The following CNIH3 variants were observed in gnomAD, a reference collection of about 807,000 sequenced individuals.
The protein encoded by CNIH3 is protein cornichon homolog 3.
A neutral mutation model predicts 24.1 loss-of-function variants in CNIH3; 14 were observed. That is an observed-to-expected ratio of 0.58 (90% CI 0.38 to 0.91). CNIH3 has a LOEUF of 0.91. Among genes scored for constraint, CNIH3 ranks in the 40% least tolerant of loss-of-function variants. The pLI, the probability that CNIH3 is intolerant of heterozygous loss-of-function variation, is 0.00. For missense variants in CNIH3, 178 were observed against 196.8 expected (o/e 0.90, Z 0.57); for synonymous variants, 68 against 73.8 (o/e 0.92, Z 0.40).
chr1:224,477,331 T>A (rs1313114018), intron 1 of CNIH3, among the ~76,000 whole-genome samples: 1 of 152,238 alleles, frequency 6.6e-6, no homozygotes, highest in Non-Finnish European at 1.5e-5. Flanking sequence ...TTTCCTCGTA[T>A]CCACCATCTT....
chr1:224,490,992 G>A (rs1199760135), intron 1 of CNIH3, among the ~76,000 whole-genome samples: 1 of 152,232 alleles, frequency 6.6e-6, no homozygotes, highest in Non-Finnish European at 1.5e-5. Context: ...GTCTATGAGT[G>A]GTTGAAGTAT....
At chr1:224,679,065 A>G (rs1422707001) in intron 1 of CNIH3, among the ~76,000 whole-genome samples, 1 of 152,214 alleles carries the variant, frequency 6.6e-6, no homozygotes, top group South Asian at 2.1e-4. Context: ...TTGAATTTTA[A>G]TATAAGCTTC....
chr1:224,513,193 C>T, upstream of CNIH3, among the ~76,000 whole-genome samples: 1 of 152,034 alleles, frequency 6.6e-6, no homozygotes, highest in Non-Finnish European at 1.5e-5. Flanking sequence ...GGATCTTGCT[C>T]TGTCACTCAG....
At chr1:224,537,384 AC>A (rs1328892438), downstream of CNIH3, 1 of 151,944 alleles carries the variant, frequency 6.6e-6, no homozygotes, top group Non-Finnish European at 1.5e-5. Flanking sequence ...TCCTCTACCC[AC>A]CCCTCACATG....
At chr1:224,667,941 G>A (rs2125126107) in intron 1 of CNIH3, among the ~76,000 whole-genome samples, 1 of 152,268 alleles carries the variant, frequency 6.6e-6, no homozygotes, top group South Asian at 2.1e-4. Context: ...ATGGAGCCCT[G>A]CAGCTACACT....
At chr1:224,457,944 T>C (rs988787865) in intron 1 of CNIH3, among the ~76,000 whole-genome samples, 3 of 152,050 alleles carry the variant, frequency 2.0e-5, no homozygotes, top group African/African-American at 7.2e-5. Flanking sequence ...CCCTAGAGAG[T>C]GCAGCTAGGT....
chr1:224,519,433 T>G (rs1315595661), intron 1 of CNIH3, among the ~76,000 whole-genome samples: 1 of 152,166 alleles, frequency 6.6e-6, no homozygotes. Context: ...AGTCTCCAGC[T>G]TGCAGACGGC....
intron 1 of CNIH3, among the ~76,000 whole-genome samples, chr1:224,652,278 T>A (rs1184650843): frequency 3.9e-5 from 6 of 152,024 alleles, no homozygotes. Context: ...GGGGTAACTT[T>A]AACATTCCTG....
chr1:224,617,242 T>G lies in CNIH3; in HGVS notation c.68T>G (p.Phe23Cys), dbSNP rs1572594425. ...SLVLCAALIF[F>C]AIWHIIAFDE... ...GTGCTGTGCGCTGCGCTCATCTTCT[T>G]CGCCATCTGGCACGTGAGTAACACG... Residue 23 changes from phenylalanine (F) to cysteine (C), a missense_variant, in exon 1 of 6, where the codon TTC becomes TGC. Phe to Cys is a radical substitution (Grantham distance 205, BLOSUM62 -2). Transcript: ENST00000272133. 1 of 1,614,040 alleles carries G rather than the reference T, an allele frequency of 6.2e-7. No homozygotes were observed. The highest frequency in any genetic ancestry group is 8.5e-7 in the Non-Finnish European group (1 of 1,179,980).
chr1:224,665,058 C>T (rs1685532514), intron 1 of CNIH3, among the ~76,000 whole-genome samples: 1 of 151,816 alleles, frequency 6.6e-6, no homozygotes, highest in African/African-American at 2.4e-5. Flanking sequence ...TCTGATAAAC[C>T]ATCTGAAATA....
At chr1:224,606,442 G>A (rs1039778919) in intron 3 of CNIH3, among the ~76,000 whole-genome samples, 37 of 152,084 alleles carry the variant, frequency 2.4e-4, no homozygotes, top group African/African-American at 8.2e-4. Context: ...GTTCCCAGTC[G>A]AACTCCTCTC....
At chr1:224,707,685 G>A (rs184664456) in intron 3 of CNIH3, among the ~76,000 whole-genome samples, 334 of 152,194 alleles carry the variant, frequency 2.2e-3, no homozygotes, top group Non-Finnish European at 3.1e-3. Flanking sequence ...AGATCTGTGG[G>A]ATCATAATCT....
intron 4 of CNIH3, among the ~76,000 whole-genome samples, chr1:224,578,804 T>C (rs1281679578): frequency 6.6e-6 from 1 of 152,226 alleles, no homozygotes; most frequent in African/African-American, 2.4e-5. Context: ...TGAAACTCCC[T>C]TCTCCGTCTT....
At chr1:224,712,435 G>A (rs1456400341) in intron 3 of CNIH3, among the ~76,000 whole-genome samples, 2 of 152,124 alleles carry the variant, frequency 1.3e-5, no homozygotes, top group Non-Finnish European at 2.9e-5. Context: ...CTTCTGGATT[G>A]TACTCTTCCT....
At chr1:224,475,915 C>T (rs946079318) in intron 1 of CNIH3, among the ~76,000 whole-genome samples, 1 of 152,100 alleles carries the variant, frequency 6.6e-6, no homozygotes, top group African/African-American at 2.4e-5. Context: ...TGGGGTTTAT[C>T]CCAGGGATGC....
In CNIH3 at chr1:224,618,626, G is replaced by A. The variant is rs1192906484; in HGVS notation, c.81+1371G>A. On this transcript the variant is annotated intron_variant, in intron 1 of 5. Coordinates refer to ENST00000272133, the MANE Select transcript of CNIH3 (RefSeq NM_152495.2). ...TGTAACCTTAGGAAAGACCCTTGCT[G>A]GCTTCCTTCCACATCTCTAAAGTGA... Among the ~76,000 whole-genome samples, 3 of 152,332 alleles carry A rather than the reference G, an allele frequency of 2.0e-5. No homozygotes were observed. The South Asian group carries it at 6.2e-4, about 32-fold the overall frequency.
chr1:224,548,110 T>C (rs972136039), intron 3 of CNIH3, among the ~76,000 whole-genome samples: 11 of 152,000 alleles, frequency 7.2e-5, no homozygotes, highest in African/African-American at 2.7e-4. Flanking sequence ...ATTTATAACG[T>C]ATAAGGGAGA....
intron 1 of CNIH3, chr1:224,434,905 G>T: frequency 1.0e-6 from 1 of 985,996 alleles, no homozygotes; most frequent in Non-Finnish European, 1.2e-6. Flanking sequence ...ACGTGCATCG[G>T]GGGCTGTCCC....
intron 3 of CNIH3, among the ~76,000 whole-genome samples, chr1:224,718,114 C>A (rs1305894595): frequency 1.3e-5 from 2 of 151,972 alleles, no homozygotes; most frequent in Non-Finnish European, 2.9e-5. Context: ...GGGAAATAGA[C>A]AATAAGCAAG....
Sources: gnomAD v4.1 joint callset for allele counts (sites outside exome capture counted in the v4.1 genomes callset) on GRCh38, gnomAD v4.1.1 for gene constraint, MANE v1.5 for transcripts, NCBI Gene and HGNC (gene_info 2026-07-23, HGNC 2026-07-21) for gene names.